Variants in KIF23 observed in about 807,000 individuals in gnomAD.
KIF23 encodes the protein kinesin-like protein KIF23.
KIF23 carries 30 observed loss-of-function variants against 137.5 expected under a neutral mutation model. The ratio of observed to expected loss-of-function variants is 0.22; its 90% CI spans 0.16 to 0.30. The LOEUF (loss-of-function observed/expected upper bound fraction) is 0.30, where lower values mean the gene tolerates loss of function less well. Ranked by LOEUF, KIF23 falls within the 10% of genes least tolerant of loss-of-function variation. The pLI, the probability that KIF23 is intolerant of heterozygous loss-of-function variation, is 1.00. For missense variants in KIF23, 920 were observed against 1,194.3 expected (o/e 0.77, Z 3.38); for synonymous variants, 367 against 391.1 (o/e 0.94, Z 0.73).
intron 6 of KIF23, among the ~76,000 whole-genome samples, chr15:69,422,714 AC>A (rs1239481150): frequency 6.6e-6 from 1 of 152,074 alleles, no homozygotes; most frequent in African/African-American, 2.4e-5. Flanking sequence ...CTGTTGGCAA[AC>A]CATGAGTATG....
chr15:69,417,926 C>G (rs2056959123), intron 3 of KIF23, among the ~76,000 whole-genome samples: 1 of 151,850 alleles, frequency 6.6e-6, no homozygotes, highest in African/African-American at 2.4e-5. Context: ...TGAGTCAGCT[C>G]AAAAATATTG....
chr15:69,434,865 T>G (rs1166245405), intron 11 of KIF23: 7 of 769,024 alleles, frequency 9.1e-6, no homozygotes, highest in Non-Finnish European at 1.5e-5. Context: ...GCTCACGTAG[T>G]CCATAGCTGC....
chr15:69,417,349 A>T (rs1302847025), intron 2 of KIF23, 34 bp from the exon 3 acceptor site: 1 of 1,516,012 alleles, frequency 6.6e-7, no homozygotes, highest in Non-Finnish European at 8.8e-7. Context: ...AAAAGGTCGA[A>T]CTTTCTTCTT....
chr15:69,438,199 G>T, intron 15 of KIF23, 49 bp from the exon 16 acceptor site: 1 of 1,500,354 alleles, frequency 6.7e-7, no homozygotes, highest in Non-Finnish European at 9.0e-7. Context: ...TGATATCATT[G>T]TTTGTTTTAG....
intron 11 of KIF23, chr15:69,434,328 A>G (rs2057421319): frequency 1.0e-5 from 2 of 191,148 alleles, no homozygotes; most frequent in South Asian, 1.1e-4. Flanking sequence ...TGAAGAATCC[A>G]TCTTCTTTGA....
chr15:69,445,251 A>G (rs1024032944), intron 20 of KIF23, among the ~76,000 whole-genome samples: 5 of 152,194 alleles, frequency 3.3e-5, no homozygotes, highest in African/African-American at 1.2e-4. Flanking sequence ...ATAGGTATAG[A>G]TTCTTCGGTT....
chr15:69,439,808 CA>C (rs933192903), intron 16 of KIF23, 95 bp from the exon 17 acceptor site: 2 of 884,810 alleles, frequency 2.3e-6, no homozygotes, highest in African/African-American at 1.7e-5. Flanking sequence ...TTTCTTTCCA[CA>C]AATATGCTTG....
At chr15:69,422,622 A>G (rs1031481391) in intron 6 of KIF23, among the ~76,000 whole-genome samples, 187 bp downstream of exon 6, 3 of 152,198 alleles carry the variant, frequency 2.0e-5, no homozygotes, top group African/African-American at 7.2e-5. Context: ...TTTTGTTTCA[A>G]TCACTGTTTT....
rs977216213 is a variant in KIF23, at chr15:69,422,312, TG to T, written c.454-13del. 1.4e-6 allele frequency: 2 copies of T among 1,439,028 alleles called. No individual in the cohort carries two copies. The highest frequency in any genetic ancestry group is 1.2e-5 in the South Asian group (1 of 81,218). The allele number at this position is 1,439,028 out of a possible 1,614,324, so 89.1% of individuals were successfully genotyped here. On this transcript the variant is annotated splice_polypyrimidine_tract_variant and intron_variant, in intron 5 of 23. Coordinates refer to ENST00000679126, the MANE Select transcript of KIF23 (RefSeq NM_001367805.3). ...AAACGTGGTGTGATTTTTTTTTTTT[TG>T]CCCCCACTTCAGGTTTTCAAATCTA...
intron 6 of KIF23, chr15:69,422,804 C>CTTT: frequency 1.1e-4 from 24 of 212,680 alleles, no homozygotes; most frequent in South Asian, 3.4e-4. Flanking sequence ...GGATCAGTTA[C>CTTT]TTTTTTTTTT....
At position 69,417,406 on chromosome 15, in the gene KIF23, G is replaced by A; in HGVS notation, c.105G>A (p.Leu35=). 6.2e-7 allele frequency: 1 copy of A among 1,612,006 alleles called. No individual in the cohort carries two copies. ...PVGVYCRVRP[L]GFPDQECCIE... ...AGGTATACTGTAGGGTGCGCCCACT[G>A]GGCTTTCCTGATCAAGAGTGTTGCA... is the stretch of plus-strand genomic sequence containing the variant. The change falls in exon 3 of 24, where the codon CTG becomes CTA. Residue 35 remains leucine, a synonymous_variant. Coordinates refer to ENST00000679126, the MANE Select transcript of KIF23 (RefSeq NM_001367805.3).
intron 6 of KIF23, 32 bp downstream of exon 6, chr15:69,422,467 C>A: frequency 8.2e-7 from 1 of 1,225,646 alleles, no homozygotes; most frequent in Non-Finnish European, 1.2e-6. Flanking sequence ...CAGCACTGGC[C>A]TAGGGGCACA....
At chr15:69,434,809 C>A in intron 11 of KIF23, 1 of 997,294 alleles carries the variant, frequency 1.0e-6, no homozygotes. Context: ...TTCTTGCACT[C>A]ATCCTGCACG....
chr15:69,444,648 C>A lies in KIF23; in HGVS notation c.2422-142C>A. ...TGTTTGTTGGTTTTGTGTTTAAATG[C>A]AAAGATCATGTTTAAATTACTTGAA... is the stretch of plus-strand genomic sequence containing the variant. On this transcript the variant is annotated intron_variant, in intron 19 of 23. Coordinates refer to ENST00000679126, the MANE Select transcript of KIF23 (RefSeq NM_001367805.3). The surrounding 1 kb of genome is among the most constrained non-coding windows in gnomAD (Gnocchi z 4.2). The A allele has an allele frequency of 1.3e-6, 1 of 796,292 alleles. No homozygotes were observed. The highest frequency in any genetic ancestry group is 1.9e-6 in the Non-Finnish European group (1 of 522,698). The allele number at this position is 796,292 out of a possible 1,614,324, so 49.3% of individuals were successfully genotyped here.
At chr15:69,423,686 C>T (rs73426074) in intron 7 of KIF23, among the ~76,000 whole-genome samples, 1 of 152,066 alleles carries the variant, frequency 6.6e-6, no homozygotes, top group African/African-American at 2.4e-5. Context: ...GTTTTGTAGG[C>T]TCTTTAACCA....
intron 11 of KIF23, among the ~76,000 whole-genome samples, chr15:69,432,554 G>A (rs1390926564): frequency 6.6e-6 from 1 of 151,724 alleles, no homozygotes; most frequent in East Asian, 1.9e-4. Context: ...TACTCCAAAA[G>A]GCTACAGGGC....
Position 69,440,862 on chromosome 15 carries a change from C to T in KIF23, c.2204C>T (p.Ser735Phe). ...HRRSNSCSSI[S>F]VASCISEWEQ... ...CGCTCTAACTCTTGCAGCAGCATTT[C>T]TGTAGCTTCCTGTATTTCGGAATGG... is the stretch of plus-strand genomic sequence containing the variant. The change falls in exon 19 of 24, where the codon TCT becomes TTT. Residue 735 changes from serine to phenylalanine, a missense_variant. Ser to Phe is a radical substitution (Grantham distance 155). This residue lies in a region of KIF23 where 714 missense variants were observed against 866.2 expected (regional missense o/e 0.82). Coordinates refer to ENST00000679126, the MANE Select transcript of KIF23 (RefSeq NM_001367805.3). 1 of 1,614,162 alleles carries T rather than the reference C, an allele frequency of 6.2e-7. No individual in the cohort carries two copies. Among genetic ancestry groups the T allele is most frequent in the Non-Finnish European group, 8.5e-7 (1 of 1,180,040 alleles).
chr15:69,447,029 T>C (rs2057755217), intron 23 of KIF23, 88 bp downstream of exon 23: 1 of 1,206,888 alleles, frequency 8.3e-7, no homozygotes, highest in South Asian at 1.2e-5. Flanking sequence ...AGCCATCCAC[T>C]TATTCTTCAG....
rs567418566 is a variant in KIF23 at position 69,424,812 on chromosome 15, C to T, written c.735-470C>T. 1.1e-4 allele frequency among the ~76,000 whole-genome samples: 17 copies of T among 152,286 alleles called. No homozygotes were observed. In the South Asian group the frequency reaches 3.5e-3, roughly 32 times the overall value. On this transcript the variant is annotated intron_variant, in intron 7 of 23. Coordinates refer to ENST00000679126, the MANE Select transcript of KIF23 (RefSeq NM_001367805.3). ...TGTGAGCCACCATGCCTGGCCTGAC[C>T]ATCACTTTTTATATCAAACTAATTA... is the stretch of plus-strand genomic sequence containing the variant.
Sources: gnomAD v4.1 joint callset for allele counts (sites outside exome capture counted in the v4.1 genomes callset) on GRCh38, gnomAD v4.1.1 for gene constraint, gnomAD v4.1.1 regional missense constraint, Gnocchi (gnomAD v3.1) non-coding constraint, MANE v1.5 for transcripts, NCBI Gene and HGNC (gene_info 2026-07-23, HGNC 2026-07-21) for gene names.